NEK7: variants seen among roughly 807,000 people sequenced by gnomAD.
NEK7 encodes NIMA related kinase 7.
A neutral mutation model predicts 44.6 loss-of-function variants in NEK7; 18 were observed. That is an observed-to-expected ratio of 0.40 (90% confidence interval 0.28 to 0.60). The LOEUF is 0.60. Among genes scored for constraint, NEK7 ranks in the 20% least tolerant of loss-of-function variants. The pLI is 0.38. For missense variants in NEK7, 256 were observed against 366.5 expected (o/e 0.70, Z 2.46); for synonymous variants, 130 against 121.1 (o/e 1.07, Z -0.48).
intron 7 of NEK7, among the ~76,000 whole-genome samples, chr1:198,283,106 T>C (rs977379668): frequency 3.3e-5 from 5 of 152,106 alleles, no homozygotes; most frequent in Admixed American, 6.6e-5. Context: ...AAAAGGTGGA[T>C]ACAGGATAAG....
intron 1 of NEK7, among the ~76,000 whole-genome samples, chr1:198,180,965 T>G (rs1206998654): frequency 6.6e-6 from 1 of 152,086 alleles, no homozygotes; most frequent in Non-Finnish European, 1.5e-5. Context: ...GTAAGAGAGA[T>G]ATCTATGTGG....
chr1:198,264,336 C>A, intron 5 of NEK7, 101 bp downstream of exon 5: 1 of 780,284 alleles, frequency 1.3e-6, no homozygotes, highest in Non-Finnish European at 2.1e-6. Context: ...AAACTAAAGA[C>A]CTCAATGCAA....
chr1:198,188,324 A>C (rs1012226696), intron 1 of NEK7, among the ~76,000 whole-genome samples: 5 of 152,178 alleles, frequency 3.3e-5, no homozygotes, highest in Non-Finnish European at 7.3e-5. Context: ...TTAGTGATGA[A>C]AGCAAGGCAG....
chr1:198,208,679 T>C (rs1392944003), intron 1 of NEK7: 4 of 152,238 alleles, frequency 2.6e-5, no homozygotes, highest in Non-Finnish European at 5.9e-5. Flanking sequence ...TATATTCAGC[T>C]TTTGTCAATT....
chr1:198,309,759 CA>C (rs1655119997), intron 9 of NEK7, among the ~76,000 whole-genome samples: 1 of 152,180 alleles, frequency 6.6e-6, no homozygotes, highest in African/African-American at 2.4e-5. Flanking sequence ...CATATCCCTA[CA>C]AAGGACATGA....
intron 3 of NEK7, among the ~76,000 whole-genome samples, chr1:198,255,235 T>C (rs940523814): frequency 2.6e-5 from 4 of 152,112 alleles, no homozygotes; most frequent in African/African-American, 7.2e-5. Context: ...GACTCTCAAG[T>C]AGAGTAACAA....
chr1:198,165,514 A>G (rs558418148), intron 1 of NEK7, among the ~76,000 whole-genome samples: 1 of 152,154 alleles, frequency 6.6e-6, no homozygotes, highest in Non-Finnish European at 1.5e-5. Context: ...GACTAGGTAC[A>G]TTGTCAATTA....
At chr1:198,284,139 G>A (rs955113654) in intron 7 of NEK7, among the ~76,000 whole-genome samples, 2 of 152,126 alleles carry the variant, frequency 1.3e-5, no homozygotes, top group South Asian at 2.1e-4. Context: ...ATACATGTGA[G>A]CTATGCACAT....
intron 3 of NEK7, among the ~76,000 whole-genome samples, chr1:198,258,723 C>T (rs1653356909): frequency 6.6e-6 from 1 of 152,078 alleles, no homozygotes; most frequent in Non-Finnish European, 1.5e-5. Context: ...CTTGCCTAAC[C>T]ACAGCTCATC....
intron 9 of NEK7, among the ~76,000 whole-genome samples, chr1:198,305,101 AAAT>A (rs1654987635): frequency 9.0e-6 from 1 of 110,742 alleles, no homozygotes; most frequent in Admixed American, 1.1e-4. Context: ...ATAAACCATG[AAAT>A]GCTTACTTAG....
intron 8 of NEK7, among the ~76,000 whole-genome samples, chr1:198,295,848 T>C (rs2103012648): frequency 6.6e-6 from 1 of 151,054 alleles, no homozygotes; most frequent in Admixed American, 6.6e-5. Flanking sequence ...ATTGTGGTTC[T>C]TTTAGAAATT....
chr1:198,317,692 A>T (rs1655408891), intron 9 of NEK7, among the ~76,000 whole-genome samples: 1 of 152,098 alleles, frequency 6.6e-6, no homozygotes, highest in African/African-American at 2.4e-5. Context: ...AGCTAAATAT[A>T]ATGAACTTTT....
intron 7 of NEK7, among the ~76,000 whole-genome samples, chr1:198,282,953 A>C (rs1654253511): frequency 6.6e-6 from 1 of 152,088 alleles, no homozygotes; most frequent in South Asian, 2.1e-4. Flanking sequence ...TATGACAGAA[A>C]ATGGCCAGTT....
At chr1:198,291,020 T>C (rs1052350188) in intron 7 of NEK7, among the ~76,000 whole-genome samples, 3 of 152,346 alleles carry the variant, frequency 2.0e-5, no homozygotes, top group East Asian at 3.9e-4. Context: ...TCAGTTTGTG[T>C]TGCAGTTAAG....
intron 9 of NEK7, among the ~76,000 whole-genome samples, chr1:198,308,851 T>C (rs894450803): frequency 2.6e-5 from 4 of 152,154 alleles, no homozygotes; most frequent in African/African-American, 9.7e-5. Flanking sequence ...CCCCCCCTTT[T>C]ATATATTAAG....
At chr1:198,295,628 T>G (rs570253177) in intron 8 of NEK7, among the ~76,000 whole-genome samples, 1 of 151,894 alleles carries the variant, frequency 6.6e-6, no homozygotes, top group Non-Finnish European at 1.5e-5. Flanking sequence ...TCAGATTTTT[T>G]TTTTTTTTAA....
At chr1:198,315,860 A>G (rs977021207) in intron 9 of NEK7, among the ~76,000 whole-genome samples, 4 of 152,222 alleles carry the variant, frequency 2.6e-5, no homozygotes, top group African/African-American at 9.6e-5. Context: ...CTCAGAAGGC[A>G]GTTGGAAGTA....
At chr1:198,235,280 G>A in intron 2 of NEK7, among the ~76,000 whole-genome samples, 1 of 152,226 alleles carries the variant, frequency 6.6e-6, no homozygotes, top group East Asian at 1.9e-4. Context: ...TTGGTACAGT[G>A]TAAGTTCCTT....
At chr1:198,218,562 T>C (rs889177011) in intron 1 of NEK7, among the ~76,000 whole-genome samples, 2 of 151,542 alleles carry the variant, frequency 1.3e-5, no homozygotes, top group Non-Finnish European at 3.0e-5. Flanking sequence ...AAACCAAAAA[T>C]AAATAAATGG....
Sources: allele counts gnomAD v4.1 joint callset (sites outside exome capture counted in the v4.1 genomes callset), GRCh38; gene constraint gnomAD v4.1.1; transcripts MANE v1.5; gene names NCBI Gene and HGNC (gene_info 2026-07-23, HGNC 2026-07-21).